The following EPHB1 variants were observed in gnomAD, a reference collection of about 807,000 sequenced individuals.
EPHB1 encodes the protein ephrin type-B receptor 1.
Under a neutral mutation model 94.4 loss-of-function variants are expected in EPHB1, and 30 were observed. That is an observed-to-expected ratio of 0.32 (90% CI 0.24 to 0.43). The LOEUF (loss-of-function observed/expected upper bound fraction) is 0.43. Ranked by LOEUF, EPHB1 falls within the 20% of genes least tolerant of loss-of-function variation. The pLI is 1.00. For missense variants in EPHB1, 1,055 were observed against 1,308.3 expected (o/e 0.81, Z 2.99); for synonymous variants, 522 against 489.1 (o/e 1.07, Z -0.89).
rs1175738609 is a variant in EPHB1, at chr3:134,882,455, A to T, written c.59-43361A>T. ...AAATCTTTTTATCTTTTCTCTCAGG[A>T]CCAGAATGATTCATTGTATATAAAA... On this transcript the variant is annotated intron_variant, in intron 1 of 15. Transcript: ENST00000398015. Among the ~76,000 whole-genome samples, 4 of 152,336 alleles carry T rather than the reference A, an allele frequency of 2.6e-5. No individual in the cohort carries two copies. The East Asian group carries it at 7.7e-4, about 29-fold the overall frequency.
intron 12 of EPHB1, among the ~76,000 whole-genome samples, chr3:135,208,978 C>T (rs1333971251): frequency 6.6e-6 from 1 of 152,028 alleles, no homozygotes; most frequent in Non-Finnish European, 1.5e-5. Flanking sequence ...AGAAAGTACT[C>T]AAAGAATAAT....
intron 3 of EPHB1, among the ~76,000 whole-genome samples, chr3:135,087,801 G>A (rs1938412848): frequency 6.6e-6 from 1 of 152,160 alleles, no homozygotes; most frequent in South Asian, 2.1e-4. Context: ...TGCCTGCCCT[G>A]CTGCTGAGCT....
Position 135,155,952 on chromosome 3 carries a change from C to T in EPHB1, c.1422+1676C>T, listed in dbSNP as rs1030062630. Among the ~76,000 whole-genome samples, 7 of 151,784 alleles carry T rather than the reference C, an allele frequency of 4.6e-5. No individual in the cohort carries two copies. In the South Asian group the frequency reaches 8.3e-4, roughly 18 times the overall value. On this transcript the variant is annotated intron_variant, in intron 6 of 15. Transcript: ENST00000398015. ...AGCCTAGTAGATCTACAATTATTAA[C>T]GAGGATGATGGTGTAATCAGGGTAA...
intron 3 of EPHB1, among the ~76,000 whole-genome samples, chr3:135,020,659 A>T (rs1343826605): frequency 6.6e-6 from 1 of 152,100 alleles, no homozygotes; most frequent in African/African-American, 2.4e-5. Context: ...TTATGTATTG[A>T]CTGTTTCAAG....
At chr3:134,962,461 G>C (rs1029496912) in intron 3 of EPHB1, among the ~76,000 whole-genome samples, 1 of 152,192 alleles carries the variant, frequency 6.6e-6, no homozygotes, top group African/African-American at 2.4e-5. Context: ...CCAAGCTGTG[G>C]TAGGTGAAAT....
At position 135,259,798 on chromosome 3, in the gene EPHB1, A is replaced by G. The variant is rs1294541751; in HGVS notation, c.*678A>G. On this transcript the variant is annotated 3_prime_UTR_variant, in exon 16 of 16. Transcript: ENST00000398015. Reference sequence around the variant, plus strand: ...CATTTTCTGCAAAAAGGAAAAAGAAACCACAAATTGGGGAAAAAAAAAGAA... The same window carrying G: ...CATTTTCTGCAAAAAGGAAAAAGAAGCCACAAATTGGGGAAAAAAAAAGAA... 4.7e-5 allele frequency: 10 copies of G among 214,610 alleles called. No individual in the cohort carries two copies. Among genetic ancestry groups the G allele is most frequent in the Non-Finnish European group, 2.8e-5 (3 of 107,270 alleles). The allele number at this position is 214,610 out of a possible 1,614,324, so 13.3% of individuals were successfully genotyped here.
chr3:135,183,026 T>TTTCTTTCTTTC (rs1491563158), intron 10 of EPHB1, among the ~76,000 whole-genome samples: 8 of 94,660 alleles, frequency 8.5e-5, no homozygotes, highest in African/African-American at 2.3e-4. Context: ...TTTTCTTTTC[T>TTTCTTTCTTTC]TTTCTTTCTT....
chr3:135,180,056 C>T (rs1283710909), intron 10 of EPHB1, 74 bp downstream of exon 10: 2 of 1,569,844 alleles, frequency 1.3e-6, no homozygotes, highest in East Asian at 2.3e-5. Flanking sequence ...TAGATGGTCT[C>T]TTTCAGTATG....
intron 1 of EPHB1, among the ~76,000 whole-genome samples, chr3:134,844,204 G>T (rs558492741): frequency 6.6e-6 from 1 of 152,150 alleles, no homozygotes; most frequent in African/African-American, 2.4e-5. Context: ...GTCTGTGTGG[G>T]TTAACGGTCT....
In EPHB1 at chr3:135,132,881, G is replaced by A. The variant is rs2107687372; in HGVS notation, c.1129G>A (p.Val377Met). The A allele has an allele frequency of 1.2e-6, 2 of 1,614,078 alleles. No individual in the cohort carries two copies. Among genetic ancestry groups the A allele is most frequent in the Non-Finnish European group, 1.7e-6 (2 of 1,179,912 alleles). ...RRSCSRCDDN[V>M]EFVPRQLGLT... ...GAGCTGCTCCCGCTGTGACGACAAT[G>A]TGGAGTTTGTGCCCAGGCAGCTGGG... The change falls in exon 5 of 16, where the codon GTG becomes ATG. Residue 377 changes from valine (V) to methionine (M), a missense_variant. Physicochemically the swap from Val to Met is conservative, Grantham distance 21. Transcript: ENST00000398015.
intron 1 of EPHB1, among the ~76,000 whole-genome samples, chr3:134,805,515 C>T (rs1001859174): frequency 1.3e-5 from 2 of 152,148 alleles, no homozygotes; most frequent in South Asian, 2.1e-4. Flanking sequence ...CAAGACCCTA[C>T]ATCACCTGGG....
chr3:134,901,823 C>G (rs1560288468), intron 1 of EPHB1, among the ~76,000 whole-genome samples: 1 of 152,200 alleles, frequency 6.6e-6, no homozygotes, highest in Non-Finnish European at 1.5e-5. Flanking sequence ...TGGACTACTC[C>G]CTCAGCCTCT....
intron 12 of EPHB1, among the ~76,000 whole-genome samples, chr3:135,233,138 C>T (rs1034011013): frequency 1.3e-5 from 2 of 152,200 alleles, no homozygotes; most frequent in Non-Finnish European, 2.9e-5. Flanking sequence ...AATCTTAACT[C>T]GTTCCAGCAT....
intron 10 of EPHB1, among the ~76,000 whole-genome samples, chr3:135,190,093 T>C (rs1041678676): frequency 1.2e-4 from 19 of 152,148 alleles, no homozygotes; most frequent in African/African-American, 3.9e-4. Context: ...AAAAGATGGG[T>C]ATGGACCACA....
intron 3 of EPHB1, among the ~76,000 whole-genome samples, chr3:135,096,735 A>G (rs770288394): frequency 2.0e-5 from 3 of 152,206 alleles, no homozygotes; most frequent in Non-Finnish European, 4.4e-5. Flanking sequence ...TTATTAGGCC[A>G]TTAATCCCAT....
intron 1 of EPHB1, among the ~76,000 whole-genome samples, chr3:134,888,107 A>G (rs2037895059): frequency 6.6e-6 from 1 of 152,160 alleles, no homozygotes. Context: ...GTGGCGAGGC[A>G]AGCTGAGCAG....
In EPHB1 at chr3:134,795,573, G is replaced by C. The variant is rs1379564148; in HGVS notation, c.-59G>C. On this transcript the variant is annotated 5_prime_UTR_variant, in exon 1 of 16. Transcript: ENST00000398015. ...AGAGCGCAGCGGCGCCCTGGGACGC[G>C]GCGCTCTCCCGGCGCTGCTGCCTCG... 6.5e-7 allele frequency: 1 copy of C among 1,546,076 alleles called. No homozygotes were observed. The highest frequency in any genetic ancestry group is 1.1e-5 in the South Asian group (1 of 87,934).
intron 2 of EPHB1, among the ~76,000 whole-genome samples, chr3:134,943,558 C>T (rs972036746): frequency 1.6e-4 from 24 of 152,042 alleles, no homozygotes; most frequent in Admixed American, 2.0e-4. Context: ...TTTGAATACC[C>T]GACTGACCTC....
chr3:134,857,833 A>G (rs774549198), intron 1 of EPHB1, among the ~76,000 whole-genome samples: 12 of 152,132 alleles, frequency 7.9e-5, no homozygotes, highest in Non-Finnish European at 1.3e-4. Context: ...GTCTACAGGG[A>G]GAGGGATGTG....
Sources: gnomAD v4.1 joint callset for allele counts (sites outside exome capture counted in the v4.1 genomes callset) on GRCh38, gnomAD v4.1.1 for gene constraint, MANE v1.5 for transcripts, NCBI Gene and HGNC (gene_info 2026-07-23, HGNC 2026-07-21) for gene names.